AGMO: variants seen among roughly 807,000 people sequenced by gnomAD.
The protein encoded by AGMO is alkylglycerol monooxygenase, also known as glyceryl-ether monooxygenase.
AGMO carries 75 observed loss-of-function variants against 60.2 expected under a neutral mutation model. The ratio of observed to expected loss-of-function variants is 1.25; its 90% CI spans 1.03 to 1.51. AGMO has a LOEUF of 1.51. Among genes scored for constraint, AGMO ranks in the 40% most tolerant of loss-of-function variants. The probability of loss-of-function intolerance (pLI) is 0.00; values close to 1 mark genes in which losing one functional copy is unlikely to be tolerated. For synonymous variants in AGMO, 261 were observed against 177.1 expected (o/e 1.47, Z -3.76); for missense variants, 763 against 525.5 (o/e 1.45, Z -4.42).
intron 3 of AGMO, among the ~76,000 whole-genome samples, chr7:15,499,420 G>T (rs1279219664): frequency 3.3e-5 from 5 of 151,810 alleles, no homozygotes; most frequent in Admixed American, 2.0e-4. Context: ...GTTCCAACTG[G>T]CTTCCAACAG....
intron 3 of AGMO, among the ~76,000 whole-genome samples, chr7:15,540,757 T>C (rs1033734770): frequency 1.6e-4 from 24 of 152,246 alleles, no homozygotes; most frequent in African/African-American, 5.5e-4. Context: ...TTTTTCTAAA[T>C]TTGTTTATAT....
In AGMO at chr7:15,387,446, G is replaced by A; in HGVS notation, c.917C>T (p.Pro306Leu). 6.2e-7 allele frequency: 1 copy of A among 1,614,014 alleles called. No homozygotes were observed. Among genetic ancestry groups the A allele is most frequent in the Admixed American group, 1.7e-5 (1 of 60,008 alleles). The change falls in exon 9 of 13, where the codon CCA becomes CTA. Residue 306 changes from proline (P) to leucine (L), a missense_variant. Coordinates refer to ENST00000342526, the MANE Select transcript of AGMO (RefSeq NM_001004320.2). ...ACTGAGACCAAGTCTTGGTTTACCTGGACCCCATCCCGGTCCCTTAAATAT... is the reference window on the plus strand; with the variant it reads ...ACTGAGACCAAGTCTTGGTTTACCTAGACCCCATCCCGGTCCCTTAAATAT... ...SVIFKGPGWG[P>L]GKPRLGLSEE...
chr7:15,464,842 A>G (rs1782236313), intron 3 of AGMO, among the ~76,000 whole-genome samples: 2 of 152,322 alleles, frequency 1.3e-5, no homozygotes, highest in African/African-American at 2.4e-5. Context: ...GAACTTCTTA[A>G]TCCCCAGGAA....
intron 5 of AGMO, among the ~76,000 whole-genome samples, chr7:15,410,070 A>G (rs1562493317): frequency 2.0e-5 from 3 of 151,780 alleles, no homozygotes; most frequent in Non-Finnish European, 1.5e-5. Context: ...AATTCTCAGT[A>G]ACTATAAGTA....
At chr7:15,410,457 A>AT (rs540369890) in intron 5 of AGMO, among the ~76,000 whole-genome samples, 2 of 151,760 alleles carry the variant, frequency 1.3e-5, no homozygotes, top group African/African-American at 4.8e-5. Context: ...TAAGAATGCA[A>AT]TTTTTTTCCC....
chr7:15,387,676 A>T, intron 8 of AGMO, 136 bp from the exon 9 acceptor site: 1 of 721,014 alleles, frequency 1.4e-6, no homozygotes, highest in Non-Finnish European at 2.2e-6. Context: ...AGCAACAGAA[A>T]TGTGTAATTG....
chr7:15,341,704 T>C (rs4296942), intron 12 of AGMO, among the ~76,000 whole-genome samples: 84,616 of 151,904 alleles, frequency 0.56, 25,091 homozygotes, highest in African/African-American at 0.78. Context: ...AAAACATACC[T>C]GAGAGAGTGG....
At chr7:15,527,086 A>G (rs1224040134) in intron 3 of AGMO, among the ~76,000 whole-genome samples, 1 of 152,104 alleles carries the variant, frequency 6.6e-6, no homozygotes, top group African/African-American at 2.4e-5. Flanking sequence ...TAATAACCCT[A>G]CAATCACCTC....
At chr7:15,380,221 AT>A (rs1409682603) in intron 10 of AGMO, among the ~76,000 whole-genome samples, 5 of 152,144 alleles carry the variant, frequency 3.3e-5, no homozygotes, top group African/African-American at 1.2e-4. Flanking sequence ...AGATCAAACT[AT>A]CCCTATTTGC....
intron 12 of AGMO, among the ~76,000 whole-genome samples, chr7:15,310,274 GTTT>G (rs913525651): frequency 6.6e-6 from 1 of 152,066 alleles, no homozygotes; most frequent in African/African-American, 2.4e-5. Flanking sequence ...GGTTATTCAG[GTTT>G]TTATTTGCTA....
At chr7:15,352,767 G>C (rs950069960) in intron 12 of AGMO, among the ~76,000 whole-genome samples, 1 of 151,696 alleles carries the variant, frequency 6.6e-6, no homozygotes, top group African/African-American at 2.4e-5. Flanking sequence ...ATTCTCCTTA[G>C]AGCCATTATC....
intron 4 of AGMO, 83 bp downstream of exon 4, chr7:15,430,922 T>TTTTTG: frequency 2.9e-6 from 2 of 699,180 alleles, no homozygotes; most frequent in African/African-American, 1.9e-5. Context: ...CTATTAGTTT[T>TTTTTG]TTTTTTTTTT....
In AGMO at chr7:15,385,650, TCTG is replaced by T. The variant is rs545804009; in HGVS notation, c.958-91_958-89del. The stretch of plus-strand genomic sequence containing the variant: ...CACTAAGAGATATTTGAAAAAAGTA[TCTG>T]CTATTTTTTTTAAAAAAAGACAAAC... On this transcript the variant is annotated intron_variant, in intron 9 of 12. Transcript: ENST00000342526. 2.8e-3 allele frequency: 2,107 copies of T among 760,540 alleles called. 7 individuals are homozygous for T. The highest frequency in any genetic ancestry group is 3.5e-3 in the Non-Finnish European group (1,584 of 450,544). 47.1% of individuals were successfully genotyped at this position (760,540 alleles called of 1,614,324 possible). A position where few individuals can be genotyped will look rare whatever the true frequency, so the allele number is the denominator to read the frequency against.
intron 12 of AGMO, among the ~76,000 whole-genome samples, chr7:15,246,008 T>C (rs1163267957): frequency 6.6e-6 from 1 of 152,130 alleles, no homozygotes; most frequent in African/African-American, 2.4e-5. Context: ...TGTCTTACCA[T>C]GGAAAATAAA....
At chr7:15,177,985 C>A in the AGMO span, among the ~76,000 whole-genome samples, 1 of 152,090 alleles carries the variant, frequency 6.6e-6, no homozygotes, top group Non-Finnish European at 1.5e-5. Context: ...AATAAATAGT[C>A]AATTATTCCC....
At chr7:15,125,011 A>AC in the AGMO span, among the ~76,000 whole-genome samples, 1 of 152,202 alleles carries the variant, frequency 6.6e-6, no homozygotes, top group East Asian at 1.9e-4. Context: ...ATGTGAACAT[A>AC]TAAAAAAAGG....
the AGMO span, among the ~76,000 whole-genome samples, chr7:15,184,303 C>CAGGG: frequency 4.6e-5 from 1 of 21,610 alleles, no homozygotes; most frequent in Non-Finnish European, 1.0e-4. Context: ...GGGAGGCAGG[C>CAGGG]AGGGAGGGAG....
At chr7:15,304,096 A>G (rs1780536148) in intron 12 of AGMO, among the ~76,000 whole-genome samples, 1 of 152,162 alleles carries the variant, frequency 6.6e-6, no homozygotes, top group Non-Finnish European at 1.5e-5. Flanking sequence ...CCTTTATGCA[A>G]TGCTTGACGG....
At chr7:15,256,453 C>A (rs1267815650) in intron 12 of AGMO, among the ~76,000 whole-genome samples, 1 of 152,230 alleles carries the variant, frequency 6.6e-6, no homozygotes, top group Non-Finnish European at 1.5e-5. Context: ...CGCCATTCTC[C>A]TGCCTCAGCC....
Sources: gnomAD v4.1 joint callset for allele counts (sites outside exome capture counted in the v4.1 genomes callset) on GRCh38, gnomAD v4.1.1 for gene constraint, MANE v1.5 for transcripts, NCBI Gene and HGNC (gene_info 2026-07-23, HGNC 2026-07-21) for gene names.